The following CASP5 variants were observed in gnomAD, a reference collection of about 807,000 sequenced individuals.
CASP5 encodes caspase-5.
In CASP5, 42 loss-of-function variants were observed where a neutral mutation model predicts 45.2. The observed-to-expected ratio is 0.93, with a 90% CI of 0.73 to 1.20. The LOEUF is 1.20. Ranked by LOEUF, CASP5 falls within the 50% of genes most tolerant of loss-of-function variation. The pLI is 0.00. For synonymous variants in CASP5, 209 were observed against 186.2 expected (o/e 1.12, Z -1.00); for missense variants, 512 against 532.2 (o/e 0.96, Z 0.37).
chr11:105,004,612 T>C (rs1393794957), intron 3 of CASP5, among the ~76,000 whole-genome samples: 1 of 152,174 alleles, frequency 6.6e-6, no homozygotes, highest in Non-Finnish European at 1.5e-5. Context: ...GTATAAAATT[T>C]ATATTGTTTT....
At chr11:105,015,632 G>T (rs1862549812) in intron 1 of CASP5, among the ~76,000 whole-genome samples, 1 of 151,948 alleles carries the variant, frequency 6.6e-6, no homozygotes. Flanking sequence ...ATTATCTAAT[G>T]ATTCTCCTGA....
At chr11:105,019,994 G>T (rs200269166) in intron 1 of CASP5, among the ~76,000 whole-genome samples, 4 of 143,810 alleles carry the variant, frequency 2.8e-5, no homozygotes, top group Non-Finnish European at 3.1e-5. Context: ...ATGCAAGGCT[G>T]GTTCAATATA....
At chr11:105,004,496 T>C (rs3181176) in intron 3 of CASP5, among the ~76,000 whole-genome samples, 4,279 of 152,280 alleles carry the variant, frequency 0.028, 109 homozygotes, top group Non-Finnish European at 0.045. Context: ...TAGTAAGATC[T>C]AATAACAAGA....
In CASP5 at chr11:105,002,006, G is replaced by C. The variant is rs763826634; in HGVS notation, c.717+22C>G. 9 of 1,610,076 alleles carry C rather than the reference G, an allele frequency of 5.6e-6. No homozygotes were observed. In the African/African-American group the frequency reaches 9.4e-5, roughly 17 times the overall value. ...ATCTGTGTTGCCTATGGATGAGTGT[G>C]AGATGGCTTAGGGGTTCTTACCCTG... On this transcript the variant is annotated intron_variant, in intron 5 of 9. Coordinates refer to ENST00000260315, the MANE Select transcript of CASP5 (RefSeq NM_004347.5).
In CASP5 at chr11:104,995,748, T is replaced by A. The variant is rs1351087186; in HGVS notation, c.1301A>T (p.Asn434Ile). 6.2e-7 allele frequency: 1 copy of A among 1,603,768 alleles called. No individual in the cohort carries two copies. ...LTRDFYLFPG[N>I] The stretch of plus-strand genomic sequence containing the variant: ...CAACTCTCAATACTTACATTTTCAA[T>A]TGCCAGGAAAGAGGTAGAAATCTCT... The change falls in exon 9 of 10, where the codon AAT (asparagine) becomes ATT (isoleucine). Residue 434 changes from asparagine (N) to isoleucine (I), a missense_variant. Coordinates refer to ENST00000260315, the MANE Select transcript of CASP5 (RefSeq NM_004347.5).
intron 8 of CASP5, among the ~76,000 whole-genome samples, chr11:104,996,207 A>G (rs1488272618): frequency 6.6e-6 from 1 of 152,184 alleles, no homozygotes; most frequent in Admixed American, 6.6e-5. Flanking sequence ...TGATTCTTCA[A>G]TTTAAGGAGA....
At position 105,008,962 on chromosome 11, in the gene CASP5, T is replaced by A. The variant is rs1862139944; in HGVS notation, c.26A>T (p.Lys9Ile). ...CATAGCTTCAAAATTCTTACGCCTT[T>A]TTTTTTTGCCACTGTCTTCTATCAG... MAEDSGKK[K>I]RRKNFEAMFK... Residue 9 changes from lysine to isoleucine, a missense_variant, in exon 2 of 10, where the codon AAA (lysine) becomes ATA (isoleucine). Coordinates refer to ENST00000260315, the MANE Select transcript of CASP5 (RefSeq NM_004347.5). 2.5e-6 allele frequency: 4 copies of A among 1,612,082 alleles called. No individual in the cohort carries two copies. In the East Asian group the frequency reaches 6.7e-5, roughly 27 times the overall value.
chr11:105,021,955 A>G (rs936005069), intron 1 of CASP5, among the ~76,000 whole-genome samples: 26 of 150,732 alleles, frequency 1.7e-4, no homozygotes, highest in African/African-American at 6.3e-4. Flanking sequence ...TGTGGCACAT[A>G]TACACCATGG....
At position 104,997,435 on chromosome 11, in the gene CASP5, GT is replaced by G; in HGVS notation, c.1153del (p.Thr385HisfsTer12). On this transcript the variant is annotated frameshift_variant, in exon 8 of 10. Transcript: ENST00000260315. LOFTEE classifies it high-confidence loss of function. ...RGSIFITELI[T>X]CFQKYSCCCH... is the part of the protein sequence containing the mutation. Reference sequence around the variant, plus strand: ...GCAGCAAGAATATTTCTGGAAGCATGTGATGAGTTCCGTAATGAAGATGGAG... The same window carrying G: ...GCAGCAAGAATATTTCTGGAAGCATGGATGAGTTCCGTAATGAAGATGGAG... 1 of 1,613,336 alleles carries G rather than the reference GT, an allele frequency of 6.2e-7. No individual in the cohort carries two copies. Among genetic ancestry groups the G allele is most frequent in the Non-Finnish European group, 8.5e-7 (1 of 1,179,342 alleles).
At position 105,020,928 on chromosome 11, in the gene CASP5, C is replaced by T. The variant is rs369855593; in HGVS notation, c.7+2202G>A. 1.1e-3 allele frequency among the ~76,000 whole-genome samples: 169 copies of T among 152,130 alleles called. 3 individuals are homozygous for T. In the East Asian group the frequency reaches 0.026, roughly 23 times the overall value. On this transcript the variant is annotated intron_variant, in intron 1 of 9. Coordinates refer to ENST00000260315, the MANE Select transcript of CASP5 (RefSeq NM_004347.5). ...AAACTATACTACAAAGCTACAGTAACCAAAACAGCATGGTACTGGTACCAA... is the reference window on the plus strand; with the variant it reads ...AAACTATACTACAAAGCTACAGTAATCAAAACAGCATGGTACTGGTACCAA...
chr11:105,009,671 T>G (rs140705450), intron 1 of CASP5, among the ~76,000 whole-genome samples: 404 of 143,076 alleles, frequency 2.8e-3, no homozygotes, highest in African/African-American at 9.8e-3. Flanking sequence ...GTTAATGTAT[T>G]ACTCCTTGGT....
intron 3 of CASP5, among the ~76,000 whole-genome samples, 156 bp from the exon 4 acceptor site, chr11:105,003,539 T>C (rs189926558): frequency 3.9e-5 from 6 of 152,244 alleles, no homozygotes; most frequent in Admixed American, 3.3e-4. Flanking sequence ...TAAGGAAATG[T>C]GTTGTGAGAA....
chr11:105,022,363 T>C (rs557578576), intron 1 of CASP5, among the ~76,000 whole-genome samples: 1 of 152,136 alleles, frequency 6.6e-6, no homozygotes, highest in East Asian at 1.9e-4. Flanking sequence ...TATTCATATA[T>C]GTTATAAGGT....
rs764374121 is a variant in CASP5, at chr11:105,000,344, G to C, written c.869C>G (p.Thr290Ser). 1 of 1,614,218 alleles carries C rather than the reference G, an allele frequency of 6.2e-7. No homozygotes were observed. The highest frequency in any genetic ancestry group is 8.5e-7 in the Non-Finnish European group (1 of 1,180,038). ...KKKPDVLLYD[T>S]IFQIFNNRNC... ...GCGGTTGTTGAATATCTGGAAGATG[G>C]TGTCATAAAGCAGCACATCCGGTTT... Residue 290 changes from threonine (T) to serine (S), a missense_variant, in exon 6 of 10, where the codon ACC becomes AGC. Thr to Ser is a moderately conservative substitution (Grantham distance 58, BLOSUM62 1). Transcript: ENST00000260315.
At chr11:105,015,861 C>T (rs1231486581) in intron 1 of CASP5, among the ~76,000 whole-genome samples, 1 of 151,804 alleles carries the variant, frequency 6.6e-6, no homozygotes, top group Non-Finnish European at 1.5e-5. Flanking sequence ...GTGGGAGAAT[C>T]GAATAAAGAA....
intron 8 of CASP5, among the ~76,000 whole-genome samples, chr11:104,996,994 T>A (rs969750829): frequency 3.9e-5 from 6 of 152,190 alleles, no homozygotes; most frequent in African/African-American, 1.4e-4. Flanking sequence ...CTCACAAAAG[T>A]GTGAGTCCTA....
intron 1 of CASP5, among the ~76,000 whole-genome samples, chr11:105,013,816 G>A (rs996448888): frequency 3.3e-5 from 5 of 151,522 alleles, no homozygotes; most frequent in African/African-American, 9.7e-5. Context: ...CCTCCATATA[G>A]TAAAAAATAA....
At chr11:105,014,148 G>A (rs1036782433) in intron 1 of CASP5, among the ~76,000 whole-genome samples, 1 of 152,010 alleles carries the variant, frequency 6.6e-6, no homozygotes, top group Non-Finnish European at 1.5e-5. Context: ...TTCTCATTCA[G>A]CCTCATCTTC....
intron 1 of CASP5, among the ~76,000 whole-genome samples, chr11:105,018,481 CA>C (rs1474007773): frequency 1.3e-5 from 2 of 150,554 alleles, no homozygotes; most frequent in Non-Finnish European, 3.0e-5. Context: ...AAATGGAAAA[CA>C]AAAAAAGGCA....
Sources: allele counts gnomAD v4.1 joint callset (sites outside exome capture counted in the v4.1 genomes callset), GRCh38; gene constraint gnomAD v4.1.1; transcripts MANE v1.5; gene names NCBI Gene and HGNC (gene_info 2026-07-23, HGNC 2026-07-21).